CNTD1: variants seen among roughly 807,000 people sequenced by gnomAD.
The protein encoded by CNTD1 is cyclin N-terminal domain-containing protein 1.
A neutral mutation model predicts 36.3 loss-of-function variants in CNTD1; 17 were observed. That is an observed-to-expected ratio of 0.47 (90% CI 0.32 to 0.70). CNTD1 has a LOEUF of 0.70. Ranked by LOEUF, CNTD1 falls within the 30% of genes least tolerant of loss-of-function variation. The probability of loss-of-function intolerance (pLI) is 0.03; values close to 1 mark genes in which losing one functional copy is unlikely to be tolerated. For missense variants in CNTD1, 338 were observed against 386.1 expected (o/e 0.88, Z 1.04); for synonymous variants, 128 against 153.3 (o/e 0.83, Z 1.22).
At position 42,804,940 on chromosome 17, in the gene CNTD1, G is replaced by T. The variant is rs538071157; in HGVS notation, c.417+544G>T. On this transcript the variant is annotated intron_variant, in intron 3 of 6. Coordinates refer to ENST00000588408, the MANE Select transcript of CNTD1 (RefSeq NM_173478.3). ...TCTACACACACACACGCACACACAT[G>T]ATCTTTCTCCCCCTCTCACTCACAC... Among the ~76,000 whole-genome samples, 9 of 152,146 alleles carry T rather than the reference G, an allele frequency of 5.9e-5. No individual in the cohort carries two copies. The South Asian group carries it at 1.0e-3, about 18-fold the overall frequency.
intron 1 of CNTD1, among the ~76,000 whole-genome samples, chr17:42,800,115 T>C (rs1298453932): frequency 2.8e-5 from 4 of 144,020 alleles, no homozygotes; most frequent in African/African-American, 5.2e-5. Flanking sequence ...GAAATAGAGA[T>C]AGAGGTCTTG....
Position 42,803,484 on chromosome 17 carries a change from GTTGT to G in CNTD1, c.170-133_170-130del, listed in dbSNP as rs1311932470. 4 of 655,300 alleles carry G rather than the reference GTTGT, an allele frequency of 6.1e-6. No individual in the cohort carries two copies. The African/African-American group carries it at 7.4e-5, about 12-fold the overall frequency. 40.6% of individuals were successfully genotyped at this position (655,300 alleles called of 1,614,324 possible). ...GCAAAAGAAACTAAGCTCAGCTTTG[GTTGT>G]TTTAGTCTCATCTTTCTCACCTCCT... On this transcript the variant is annotated intron_variant, in intron 1 of 6. Coordinates refer to ENST00000588408, the MANE Select transcript of CNTD1 (RefSeq NM_173478.3).
At chr17:42,804,418 T>C (rs201805683) in intron 3 of CNTD1, 22 bp downstream of exon 3, 37 of 1,609,094 alleles carry the variant, frequency 2.3e-5, no homozygotes, top group South Asian at 1.3e-4. Flanking sequence ...GGGTTGCTCA[T>C]GGGCACCTGA....
intron 1 of CNTD1, among the ~76,000 whole-genome samples, chr17:42,799,794 G>A (rs1439539032): frequency 2.1e-5 from 3 of 146,108 alleles, no homozygotes; most frequent in Admixed American, 6.8e-5. Context: ...GGCTGGGCGC[G>A]GTGGCTCACG....
Position 42,809,410 on chromosome 17 carries a change from A to G in CNTD1, c.868A>G (p.Ile290Val). 6.2e-7 allele frequency: 1 copy of G among 1,614,196 alleles called. No individual in the cohort carries two copies. The highest frequency in any genetic ancestry group is 1.1e-5 in the South Asian group (1 of 91,072). Residue 290 changes from isoleucine (I) to valine (V), a missense_variant, in exon 7 of 7, where the codon ATT becomes GTT. Transcript: ENST00000588408. The part of the protein sequence containing the change: ...QSITGIALAS[I>V]AEFSYAILTH... ...CATCACTGGTATTGCCTTGGCAAGC[A>G]TTGCTGAGTTCTCTTATGCAATCCT...
chr17:42,800,377 C>CA (rs1297136926), intron 1 of CNTD1, among the ~76,000 whole-genome samples: 2 of 152,088 alleles, frequency 1.3e-5, no homozygotes, highest in African/African-American at 4.8e-5. Context: ...AAAGAGGTAG[C>CA]ATGAGTAAAG....
At chr17:42,803,823 A>T in intron 2 of CNTD1, 128 bp downstream of exon 2, 1 of 732,458 alleles carries the variant, frequency 1.4e-6, no homozygotes, top group Non-Finnish European at 2.3e-6. Context: ...CTAACTTGCA[A>T]ATATAAATTT....
chr17:42,805,567 C>A, intron 3 of CNTD1, 155 bp from the exon 4 acceptor site: 1 of 621,170 alleles, frequency 1.6e-6, no homozygotes, highest in Non-Finnish European at 2.6e-6. Context: ...GAACTGTAAG[C>A]AATTTGGAAT....
At chr17:42,799,752 CAAAAAAAAA>C (rs780393099) in intron 1 of CNTD1, among the ~76,000 whole-genome samples, 11 of 10,592 alleles carry the variant, frequency 1.0e-3, no homozygotes, top group Admixed American at 1.8e-3. Context: ...AACTCCGTCT[CAAAAAAAAA>C]AAAAAAAAAA....
intron 3 of CNTD1, 148 bp from the exon 4 acceptor site, chr17:42,805,574 G>C: frequency 4.6e-6 from 3 of 654,720 alleles, no homozygotes; most frequent in Middle Eastern, 4.6e-4. Flanking sequence ...AAGCAATTTG[G>C]AATGACAAGC....
intron 6 of CNTD1, 144 bp from the exon 7 acceptor site, chr17:42,809,221 G>A: frequency 1.4e-6 from 1 of 696,602 alleles, no homozygotes; most frequent in Non-Finnish European, 2.4e-6. Context: ...AATATAATTT[G>A]GCCATTGGCA....
chr17:42,804,925 CACACGCACACACAT>C (rs2054853809), intron 3 of CNTD1, among the ~76,000 whole-genome samples: 2 of 152,162 alleles, frequency 1.3e-5, no homozygotes, highest in South Asian at 4.1e-4. Context: ...TCTACACACA[CACACGCACACACAT>C]GATCTTTCTC....
chr17:42,802,021 T>C (rs2054803912), intron 1 of CNTD1, among the ~76,000 whole-genome samples: 1 of 152,120 alleles, frequency 6.6e-6, no homozygotes, highest in African/African-American at 2.4e-5. Flanking sequence ...TGAGAATCAT[T>C]TCAGCAAGTT....
upstream of CNTD1, chr17:42,798,816 G>A (rs556301304): frequency 9.0e-6 from 13 of 1,448,014 alleles, no homozygotes; most frequent in South Asian, 1.5e-4. Flanking sequence ...CGGGCACAGG[G>A]GATGGACGCG....
Position 42,811,467 on chromosome 17 carries a change from A to G in CNTD1, c.*1932A>G. Reference sequence around the variant, plus strand: ...TCTAAGGCAACATTCTTCTACTCCAAGGACTAGGTGGTCACATTCTGTCCT... The same window carrying G: ...TCTAAGGCAACATTCTTCTACTCCAGGGACTAGGTGGTCACATTCTGTCCT... On this transcript the variant is annotated 3_prime_UTR_variant, in exon 7 of 7. Coordinates refer to ENST00000588408, the MANE Select transcript of CNTD1 (RefSeq NM_173478.3). 1.7e-6 allele frequency: 1 copy of G among 595,924 alleles called. No homozygotes were observed. Among genetic ancestry groups the G allele is most frequent in the Non-Finnish European group, 2.7e-6 (1 of 373,770 alleles). 36.9% of individuals were successfully genotyped at this position (595,924 alleles called of 1,614,324 possible). A position where few individuals can be genotyped will look rare whatever the true frequency, so the allele number is the denominator to read the frequency against.
rs1424912163 is a variant in CNTD1 at position 42,806,777 on chromosome 17, G to A, written c.684G>A (p.Leu228=). 6.2e-7 allele frequency: 1 copy of A among 1,614,126 alleles called. No homozygotes were observed. The highest frequency in any genetic ancestry group is 8.5e-7 in the Non-Finnish European group (1 of 1,180,034). ...ATGAACCCATATATGAGAGCCTGTT[G>A]AGGGCTTCAATTGAGAACTCCACTC... ...LLHEPIYESL[L]RASIENSTPS... Residue 228 remains leucine (L), a synonymous_variant, in exon 5 of 7, where the codon TTG becomes TTA. Coordinates refer to ENST00000588408, the MANE Select transcript of CNTD1 (RefSeq NM_173478.3).
intron 5 of CNTD1, 45 bp downstream of exon 5, chr17:42,806,863 G>A: frequency 1.3e-6 from 2 of 1,593,168 alleles, no homozygotes; most frequent in Non-Finnish European, 8.6e-7. Context: ...GAACAGGGAA[G>A]GGGAGACAGA....
chr17:42,805,764 G>A lies in CNTD1; in HGVS notation c.460G>A (p.Gly154Ser), dbSNP rs762065042. 5 of 1,613,544 alleles carry A rather than the reference G, an allele frequency of 3.1e-6. No individual in the cohort carries two copies. The East Asian group carries it at 1.1e-4, about 36-fold the overall frequency. Residue 154 changes from glycine (G) to serine (S), a missense_variant, in exon 4 of 7, where the codon GGC becomes AGC. Physicochemically the swap from Gly to Ser is moderately conservative, Grantham distance 56. Coordinates refer to ENST00000588408, the MANE Select transcript of CNTD1 (RefSeq NM_173478.3). ...AGTCTTGAATTTCCTCCAGGCTCTA[G>A]GCTATCTACACACTAAAGAAGAACT... Reference protein sequence around the residue: ...ITVLNFLQALGYLHTKEELLE... With the variant: ...ITVLNFLQALSYLHTKEELLE...
In CNTD1 at chr17:42,807,679, A is replaced by G. The variant is rs2054903733; in HGVS notation, c.726-89A>G. 6.3e-6 allele frequency: 6 copies of G among 945,870 alleles called. No individual in the cohort carries two copies. In the Admixed American group the frequency reaches 1.1e-4, roughly 18 times the overall value. 58.6% of individuals were successfully genotyped at this position (945,870 alleles called of 1,614,324 possible). On this transcript the variant is annotated intron_variant, in intron 5 of 6. Transcript: ENST00000588408. ...AAAAAATCCAAGATGATCGACACAA[A>G]TAATTCATAGTTGAAGTTCCATGAC...
Sources: allele counts gnomAD v4.1 joint callset (sites outside exome capture counted in the v4.1 genomes callset), GRCh38; gene constraint gnomAD v4.1.1; transcripts MANE v1.5; gene names NCBI Gene and HGNC (gene_info 2026-07-23, HGNC 2026-07-21).